The following CHL1 variants were observed in gnomAD, a reference collection of about 807,000 sequenced individuals.
CHL1 encodes the protein neural cell adhesion molecule L1-like protein.
CHL1 carries 96 observed loss-of-function variants against 141.9 expected under a neutral mutation model. That is an observed-to-expected ratio of 0.68 (90% CI 0.57 to 0.80). CHL1 has a LOEUF of 0.80. CHL1 is among the 30% of genes least tolerant of loss of function. The pLI is 0.00. For missense variants in CHL1, 1,820 were observed against 1,457.2 expected (o/e 1.25, Z -4.05); for synonymous variants, 613 against 502.2 (o/e 1.22, Z -2.95).
chr3:349,581 A>G, intron 10 of CHL1, 38 bp downstream of exon 10: 3 of 1,551,158 alleles, frequency 1.9e-6, no homozygotes, highest in South Asian at 1.1e-5. Context: ...CTGCTTTTCA[A>G]AAAAGTAACT....
chr3:359,317 C>CT lies in CHL1; in HGVS notation c.1166-963dup, dbSNP rs1477330002. On this transcript the variant is annotated intron_variant, in intron 11 of 27. Transcript: ENST00000256509. ...TTTTTCTTCCTTTTCTTTTTCTTCA[C>CT]TTTTATTTTAAAGTCTCTCTCCATC... Among the ~76,000 whole-genome samples, 13 of 151,554 alleles carry CT rather than the reference C, an allele frequency of 8.6e-5. 1 individual carries two copies. The South Asian group carries it at 1.0e-3, about 12-fold the overall frequency.
intron 2 of CHL1, among the ~76,000 whole-genome samples, chr3:290,652 G>C (rs1352431924): frequency 6.6e-6 from 1 of 152,092 alleles, no homozygotes; most frequent in Non-Finnish European, 1.5e-5. Context: ...GAGTACAGTA[G>C]GCATTCAGTT....
At chr3:201,153 T>C (rs1042308141) in intron 1 of CHL1, among the ~76,000 whole-genome samples, 3 of 152,202 alleles carry the variant, frequency 2.0e-5, no homozygotes, top group Admixed American at 1.3e-4. Context: ...ATGAGTTGGA[T>C]TGATCACAAA....
At chr3:236,509 C>A (rs186681591) in intron 1 of CHL1, among the ~76,000 whole-genome samples, 1 of 152,082 alleles carries the variant, frequency 6.6e-6, no homozygotes, top group Non-Finnish European at 1.5e-5. Context: ...ATAAACTATG[C>A]CTGCACTGGC....
chr3:333,694 A>G (rs758718488), intron 5 of CHL1, among the ~76,000 whole-genome samples: 5 of 152,224 alleles, frequency 3.3e-5, no homozygotes, highest in Non-Finnish European at 7.3e-5. Flanking sequence ...ACAGTGAATA[A>G]AAACAAAGAC....
At position 244,710 on chromosome 3, in the gene CHL1, A is replaced by AATCAG; in HGVS notation, c.-95+19_-95+23dup. ...ATTTACTGGTAAGAGTATTTTCCTT[A>AATCAG]ATCAGTTGTTTTATGCATTTTTGAT... On this transcript the variant is annotated intron_variant, in intron 2 of 27. Coordinates refer to ENST00000256509, the MANE Select transcript of CHL1 (RefSeq NM_006614.4). 6.6e-6 allele frequency: 1 copy of AATCAG among 152,282 alleles called. No individual in the cohort carries two copies. The highest frequency in any genetic ancestry group is 1.9e-4 in the East Asian group (1 of 5,178). 9.4% of individuals were successfully genotyped at this position (152,282 alleles called of 1,614,324 possible).
chr3:359,106 C>T (rs1366318416), intron 11 of CHL1, among the ~76,000 whole-genome samples: 1 of 150,796 alleles, frequency 6.6e-6, no homozygotes, highest in African/African-American at 2.4e-5. Context: ...CTTTTAGAGT[C>T]AGAAAAGTGG....
intron 2 of CHL1, among the ~76,000 whole-genome samples, chr3:252,023 C>T (rs971187921): frequency 1.3e-5 from 2 of 151,856 alleles, no homozygotes; most frequent in Admixed American, 6.6e-5. Flanking sequence ...GATAATAAAC[C>T]AACCATAAGG....
rs1702295249 is a variant in CHL1, at chr3:340,858, C to A, written c.450C>A (p.Val150=). The A allele has an allele frequency of 1.2e-6, 2 of 1,610,138 alleles. No homozygotes were observed. Among genetic ancestry groups the A allele is most frequent in the African/African-American group, 1.3e-5 (1 of 74,768 alleles). ...AAGTGGAGGAGGGAGATCCAATTGT[C>A]CTCCCATGCAATCCTCCCAAAGGCC... is the stretch of plus-strand genomic sequence containing the variant. ...PLEVEEGDPI[V]LPCNPPKGLP... is the part of the protein sequence containing the mutation. Residue 150 remains valine (V), a synonymous_variant, in exon 6 of 28, where the codon GTC becomes GTA. Transcript: ENST00000256509.
At chr3:399,184 A>T in intron 26 of CHL1, 36 bp downstream of exon 26, 1 of 1,560,016 alleles carries the variant, frequency 6.4e-7, no homozygotes, top group Non-Finnish European at 8.8e-7. Context: ...TCAACTTATT[A>T]AAAAGCATTT....
In CHL1 at chr3:405,810, G is replaced by C; in HGVS notation, c.*99G>C. ...TTCATATAGGAATAGAAACATGCTG[G>C]CCGAAGATTTCATCCAGAAGTCAAC... On this transcript the variant is annotated 3_prime_UTR_variant, in exon 28 of 28. Transcript: ENST00000256509. The C allele has an allele frequency of 1.2e-6, 1 of 804,386 alleles. No individual in the cohort carries two copies. The highest frequency in any genetic ancestry group is 2.0e-6 in the Non-Finnish European group (1 of 498,770). The allele number at this position is 804,386 out of a possible 1,614,324, so 49.8% of individuals were successfully genotyped here.
chr3:298,846 A>G (rs1185516515), intron 2 of CHL1, among the ~76,000 whole-genome samples: 9 of 152,220 alleles, frequency 5.9e-5, no homozygotes, highest in Non-Finnish European at 1.5e-5. Flanking sequence ...TTTACCATAT[A>G]AGATGATGAA....
At chr3:221,210 T>C (rs1441201077) in intron 1 of CHL1, among the ~76,000 whole-genome samples, 1 of 152,232 alleles carries the variant, frequency 6.6e-6, no homozygotes, top group Non-Finnish European at 1.5e-5. Context: ...CCCGACCACC[T>C]TGGGCACGTG....
chr3:354,371 T>C (rs1415017763), intron 10 of CHL1, among the ~76,000 whole-genome samples: 2 of 151,828 alleles, frequency 1.3e-5, no homozygotes, highest in Non-Finnish European at 2.9e-5. Flanking sequence ...AATAAAATGG[T>C]TGTATATAAC....
intron 1 of CHL1, among the ~76,000 whole-genome samples, chr3:219,797 C>T (rs901572103): frequency 3.9e-5 from 6 of 152,100 alleles, no homozygotes; most frequent in African/African-American, 1.4e-4. Context: ...CACAGGTTTA[C>T]CTGTGTAACA....
At chr3:320,000 G>C in intron 3 of CHL1, 133 bp downstream of exon 3, 1 of 579,054 alleles carries the variant, frequency 1.7e-6, no homozygotes, top group East Asian at 3.0e-5. Context: ...TCTGTCATGA[G>C]AATTCATATC....
chr3:355,080 G>T (rs1343672260), intron 11 of CHL1, among the ~76,000 whole-genome samples: 1 of 152,134 alleles, frequency 6.6e-6, no homozygotes, highest in East Asian at 1.9e-4. Flanking sequence ...GCCAATTATT[G>T]TTCCTGTCCC....
chr3:344,841 C>T, intron 9 of CHL1, 132 bp downstream of exon 9: 2 of 840,472 alleles, frequency 2.4e-6, no homozygotes, highest in South Asian at 2.1e-5. Context: ...TTCTGCCGGG[C>T]ACTGCAGATA....
intron 2 of CHL1, among the ~76,000 whole-genome samples, chr3:263,620 G>T (rs1282477029): frequency 6.6e-6 from 1 of 152,154 alleles, no homozygotes; most frequent in Non-Finnish European, 1.5e-5. Flanking sequence ...ATCTGCGTCT[G>T]CATCTAGCTT....
Sources: allele counts gnomAD v4.1 joint callset (sites outside exome capture counted in the v4.1 genomes callset), GRCh38; gene constraint gnomAD v4.1.1; transcripts MANE v1.5; gene names NCBI Gene and HGNC (gene_info 2026-07-23, HGNC 2026-07-21).